The following GNAI1 variants were observed in gnomAD, a reference collection of about 807,000 sequenced individuals.
GNAI1 encodes the protein guanine nucleotide-binding protein G(i) subunit alpha-1.
A neutral mutation model predicts 38.9 loss-of-function variants in GNAI1; 11 were observed. That is an observed-to-expected ratio of 0.28 (90% CI 0.18 to 0.47). The LOEUF (loss-of-function observed/expected upper bound fraction) is 0.47, where lower values mean the gene tolerates loss of function less well. GNAI1 is among the 20% of genes least tolerant of loss of function. GNAI1 has a pLI of 0.99. For missense variants in GNAI1, 317 were observed against 436.9 expected (o/e 0.73, Z 2.45); for synonymous variants, 166 against 145.1 (o/e 1.14, Z -1.04).
chr7:80,200,298 C>G (rs1254797420), intron 4 of GNAI1, among the ~76,000 whole-genome samples: 2 of 107,666 alleles, frequency 1.9e-5, no homozygotes, highest in Non-Finnish European at 3.3e-5. Context: ...TGCACTCCAG[C>G]CTGGAGATGG....
At chr7:80,208,588 A>G (rs1788818746) in intron 5 of GNAI1, among the ~76,000 whole-genome samples, 2 of 152,120 alleles carry the variant, frequency 1.3e-5, no homozygotes, top group Non-Finnish European at 2.9e-5. Context: ...AATCACATCA[A>G]AGTTTGAGAA....
chr7:80,160,202 AG>A (rs1485974263), intron 1 of GNAI1, among the ~76,000 whole-genome samples: 1 of 117,860 alleles, frequency 8.5e-6, no homozygotes, highest in East Asian at 2.1e-4. Flanking sequence ...TATTTTAGAC[AG>A]TTTTTTTTTT....
chr7:80,183,167 A>C (rs928785663), intron 1 of GNAI1, among the ~76,000 whole-genome samples: 1 of 152,190 alleles, frequency 6.6e-6, no homozygotes, highest in African/African-American at 2.4e-5. Context: ...AGAAAGAGAA[A>C]CGTATTTCCA....
intron 7 of GNAI1, among the ~76,000 whole-genome samples, chr7:80,213,316 G>A (rs1489007323): frequency 6.6e-6 from 1 of 152,134 alleles, no homozygotes; most frequent in Non-Finnish European, 1.5e-5. Context: ...CATTGAGGCA[G>A]CTAACTCTTC....
At chr7:80,152,605 C>G (rs113922850) in intron 1 of GNAI1, among the ~76,000 whole-genome samples, 26 of 143,784 alleles carry the variant, frequency 1.8e-4, no homozygotes, top group Non-Finnish European at 3.8e-4. Context: ...CTCTTGCCCA[C>G]GCTGGAGTGC....
At chr7:80,138,510 A>G (rs1787466540) in intron 1 of GNAI1, among the ~76,000 whole-genome samples, 1 of 152,100 alleles carries the variant, frequency 6.6e-6, no homozygotes, top group South Asian at 2.1e-4. Context: ...TTTTTATATA[A>G]TAATGTCTAA....
intron 1 of GNAI1, among the ~76,000 whole-genome samples, chr7:80,156,833 A>G (rs190618338): frequency 7.9e-5 from 12 of 152,280 alleles, no homozygotes; most frequent in Admixed American, 5.2e-4. Context: ...TCACAGTACT[A>G]TTGAGCAGAG....
In GNAI1 at chr7:80,223,170, C is replaced by T. The variant is rs1198023734; in HGVS notation, c.*5677C>T. On this transcript the variant is annotated 3_prime_UTR_variant, in exon 8 of 8. Transcript: ENST00000649796. ...CATCATACGTTGGGGACCATCTGTA[C>T]ATAGAGTAGGACTCTTGAGAGCCTA... 6.6e-6 allele frequency among the ~76,000 whole-genome samples: 1 copy of T among 152,178 alleles called. No individual in the cohort carries two copies. Among genetic ancestry groups the T allele is most frequent in the Middle Eastern group, 3.2e-3 (1 of 316 alleles).
chr7:80,179,936 A>C (rs537563776), intron 1 of GNAI1, among the ~76,000 whole-genome samples: 8 of 152,114 alleles, frequency 5.3e-5, no homozygotes, highest in Admixed American at 1.3e-4. Flanking sequence ...CAGTAAACCT[A>C]TTTTTTGCCG....
chr7:80,144,026 C>T (rs1256496363), intron 1 of GNAI1, among the ~76,000 whole-genome samples: 1 of 151,948 alleles, frequency 6.6e-6, no homozygotes, highest in African/African-American at 2.4e-5. Context: ...AGTTTCTAAT[C>T]CCACCGTAAC....
At chr7:80,208,311 A>G (rs1175514642) in intron 5 of GNAI1, among the ~76,000 whole-genome samples, 1 of 152,210 alleles carries the variant, frequency 6.6e-6, no homozygotes, top group African/African-American at 2.4e-5. Flanking sequence ...AATAATGAAG[A>G]TACTTCTAAT....
chr7:80,163,320 C>T (rs1412372135), intron 1 of GNAI1, among the ~76,000 whole-genome samples: 1 of 152,188 alleles, frequency 6.6e-6, no homozygotes, highest in African/African-American at 2.4e-5. Context: ...TGGGTAGGTT[C>T]ATACCTGTTT....
chr7:80,181,573 G>A (rs776238103), intron 1 of GNAI1, among the ~76,000 whole-genome samples: 1 of 152,158 alleles, frequency 6.6e-6, no homozygotes, highest in South Asian at 2.1e-4. Flanking sequence ...TCAGTTAGCC[G>A]AATGGTCTAT....
chr7:80,216,838 A>G (rs969361633), intron 7 of GNAI1, among the ~76,000 whole-genome samples: 3 of 152,324 alleles, frequency 2.0e-5, no homozygotes, highest in African/African-American at 7.2e-5. Context: ...TTTTGAATAA[A>G]GAAAAATGAG....
chr7:80,147,360 A>G (rs1787641900), intron 1 of GNAI1, among the ~76,000 whole-genome samples: 1 of 139,860 alleles, frequency 7.2e-6, no homozygotes. Context: ...TCATGATGAG[A>G]TTGGTATCCT....
At chr7:80,207,325 A>G (rs528548357) in intron 5 of GNAI1, among the ~76,000 whole-genome samples, 17 of 152,178 alleles carry the variant, frequency 1.1e-4, no homozygotes, top group African/African-American at 3.1e-4. Flanking sequence ...TTTCAGGACC[A>G]TAGTTTTCAC....
rs563262278 is a variant in GNAI1, at chr7:80,192,409, C to T, written c.303+3178C>T. Among the ~76,000 whole-genome samples the T allele has an allele frequency of 2.0e-5, 3 of 152,144 alleles. No individual in the cohort carries two copies. The East Asian group carries it at 5.8e-4, about 29-fold the overall frequency. ...TAAATATTAAATAATCAGCCTATTCCGTCTATTCCTCAGTGACTTGAAATT... is the reference window on the plus strand; with the variant it reads ...TAAATATTAAATAATCAGCCTATTCTGTCTATTCCTCAGTGACTTGAAATT... On this transcript the variant is annotated intron_variant, in intron 3 of 7. Transcript: ENST00000649796.
At chr7:80,202,483 C>T (rs987357910) in intron 4 of GNAI1, among the ~76,000 whole-genome samples, 63 of 152,188 alleles carry the variant, frequency 4.1e-4, no homozygotes, top group African/African-American at 1.5e-3. Context: ...AAAATCTTGC[C>T]ATGGCTTGTT....
At position 80,208,097 on chromosome 7, in the gene GNAI1, G is replaced by A. The variant is rs190591543; in HGVS notation, c.591-2872G>A. On this transcript the variant is annotated intron_variant, in intron 5 of 7. Transcript: ENST00000649796. Reference sequence around the variant, plus strand: ...TGTACCAGTTAGTTTTGGTGACAGTGGTATTAGATGCTAGTCTAAGGCATA... The same window carrying A: ...TGTACCAGTTAGTTTTGGTGACAGTAGTATTAGATGCTAGTCTAAGGCATA... 4.7e-4 allele frequency among the ~76,000 whole-genome samples: 72 copies of A among 152,152 alleles called. No homozygotes were observed. In the East Asian group the frequency reaches 9.9e-3, roughly 21 times the overall value.
Sources: gnomAD v4.1 joint callset for allele counts (sites outside exome capture counted in the v4.1 genomes callset) on GRCh38, gnomAD v4.1.1 for gene constraint, MANE v1.5 for transcripts, NCBI Gene and HGNC (gene_info 2026-07-23, HGNC 2026-07-21) for gene names.